Variants in TGFB2 observed in about 807,000 individuals in gnomAD.
The protein encoded by TGFB2 is transforming growth factor beta-2 proprotein.
Under a neutral mutation model 42.7 loss-of-function variants are expected in TGFB2, and 13 were observed. That is an observed-to-expected ratio of 0.30 (90% CI 0.20 to 0.48). The LOEUF is 0.48. TGFB2 is among the 20% of genes least tolerant of loss of function. The probability of loss-of-function intolerance (pLI) is 0.99; values close to 1 mark genes in which losing one functional copy is unlikely to be tolerated. For synonymous variants in TGFB2, 193 were observed against 193.6 expected (o/e 1.00, Z 0.03); for missense variants, 390 against 517.5 (o/e 0.75, Z 2.39).
chr1:218,351,039 A>G (rs1157206934), intron 1 of TGFB2, among the ~76,000 whole-genome samples: 1 of 152,244 alleles, frequency 6.6e-6, no homozygotes, highest in Non-Finnish European at 1.5e-5. Context: ...TTTAACATGA[A>G]GCAATCTCCT....
chr1:218,441,402 A>C lies in TGFB2; in HGVS notation c.*40A>C. The C allele has an allele frequency of 6.4e-7, 1 of 1,565,570 alleles. No individual in the cohort carries two copies. The highest frequency in any genetic ancestry group is 8.6e-7 in the Non-Finnish European group (1 of 1,157,638). Reference sequence around the variant, plus strand: ...TGGCAAGACCAAAATGACAATGATGATGATAATGATGATGACGACGACAAC... The same window carrying C: ...TGGCAAGACCAAAATGACAATGATGCTGATAATGATGATGACGACGACAAC... On this transcript the variant is annotated 3_prime_UTR_variant, in exon 7 of 7. Coordinates refer to ENST00000366930, the MANE Select transcript of TGFB2 (RefSeq NM_003238.6).
chr1:218,363,298 A>G, intron 1 of TGFB2: 1 of 1,564,686 alleles, frequency 6.4e-7, no homozygotes, highest in South Asian at 1.1e-5. Context: ...TCTCTTCAGT[A>G]AAATAGCTAA....
intron 1 of TGFB2, among the ~76,000 whole-genome samples, chr1:218,382,863 G>A (rs552840535): frequency 1.3e-4 from 20 of 152,284 alleles, no homozygotes; most frequent in South Asian, 2.1e-4. Context: ...TCTACTTCCC[G>A]TAGGAGTTCT....
chr1:218,403,219 G>A (rs1658790215), intron 1 of TGFB2, among the ~76,000 whole-genome samples: 1 of 151,950 alleles, frequency 6.6e-6, no homozygotes, highest in Non-Finnish European at 1.5e-5. Context: ...TTTTTTGTTT[G>A]TTTGTTTGTT....
At chr1:218,419,057 G>T (rs1357268213) in intron 2 of TGFB2, among the ~76,000 whole-genome samples, 1 of 152,178 alleles carries the variant, frequency 6.6e-6, no homozygotes, top group East Asian at 1.9e-4. Flanking sequence ...ATATTGGTCA[G>T]ATCAAAGTCT....
intron 1 of TGFB2, among the ~76,000 whole-genome samples, chr1:218,396,868 A>T (rs561071178): frequency 7.9e-5 from 12 of 152,216 alleles, no homozygotes; most frequent in Non-Finnish European, 1.2e-4. Flanking sequence ...GCAGACTACT[A>T]CTGCAAATCA....
At chr1:218,415,894 G>T (rs1659263537) in intron 2 of TGFB2, among the ~76,000 whole-genome samples, 1 of 151,882 alleles carries the variant, frequency 6.6e-6, no homozygotes, top group Non-Finnish European at 1.5e-5. Flanking sequence ...TGCGGAAGGA[G>T]TAGGTTACTG....
chr1:218,419,788 C>T (rs2102610847), intron 2 of TGFB2, among the ~76,000 whole-genome samples: 1 of 152,226 alleles, frequency 6.6e-6, no homozygotes, highest in East Asian at 1.9e-4. Flanking sequence ...GTGACTTATT[C>T]AGAGCTAATT....
At chr1:218,425,041 C>T (rs1659575451) in intron 2 of TGFB2, among the ~76,000 whole-genome samples, 1 of 152,136 alleles carries the variant, frequency 6.6e-6, no homozygotes, top group Non-Finnish European at 1.5e-5. Flanking sequence ...TAGAGCCTGA[C>T]ATGGAAAAGA....
rs902974236 is a variant in TGFB2, at chr1:218,444,453, G to A, written c.*3091G>A. On this transcript the variant is annotated 3_prime_UTR_variant, in exon 7 of 7. Transcript: ENST00000366930. ...GTGCTTTCTGGGGTTGGTTGTTTGG[G>A]ATCAGCTACTTGCCTGTCAGTTTCA... 6.6e-6 allele frequency: 1 copy of A among 152,078 alleles called. No individual in the cohort carries two copies. The highest frequency in any genetic ancestry group is 1.9e-4 in the East Asian group (1 of 5,188). The allele number at this position is 152,078 out of a possible 1,614,324, so 9.4% of individuals were successfully genotyped here.
intron 1 of TGFB2, among the ~76,000 whole-genome samples, chr1:218,390,830 A>C (rs1473570495): frequency 6.6e-6 from 1 of 152,166 alleles, no homozygotes; most frequent in Non-Finnish European, 1.5e-5. Context: ...GTATGTTCCC[A>C]TATCTTAATT....
Position 218,347,004 on chromosome 1 carries a change from G to A in TGFB2, c.303G>A (p.Lys101=), listed in dbSNP as rs147052890. 2.5e-4 allele frequency: 406 copies of A among 1,609,824 alleles called. 3 individuals are homozygous for A. Among genetic ancestry groups the A allele is most frequent in the Non-Finnish European group, 2.6e-4 (308 of 1,177,938 alleles). The change falls in exon 1 of 7, where the codon AAG becomes AAA. Residue 101 remains lysine (K), a synonymous_variant. Transcript: ENST00000366930. The stretch of plus-strand genomic sequence containing the variant: ...GGAGCGACGAAGAGTACTACGCCAA[G>A]GAGGTTTACAAAATAGACATGCCGC... The part of the protein sequence containing the change: ...RERSDEEYYA[K]EVYKIDMPPF...
chr1:218,437,606 T>C (rs1660014176), intron 6 of TGFB2, 110 bp downstream of exon 6: 2 of 1,181,826 alleles, frequency 1.7e-6, no homozygotes, highest in Non-Finnish European at 2.3e-6. Flanking sequence ...CCATCACACA[T>C]GTATGGGTAC....
intron 2 of TGFB2, among the ~76,000 whole-genome samples, chr1:218,408,740 T>C (rs542416468): frequency 6.6e-6 from 1 of 152,280 alleles, no homozygotes; most frequent in African/African-American, 2.4e-5. Context: ...AGAGGAGGGC[T>C]AGAGGAGGAC....
At chr1:218,429,417 C>A (rs1280841951) in intron 2 of TGFB2, among the ~76,000 whole-genome samples, 4 of 152,196 alleles carry the variant, frequency 2.6e-5, no homozygotes, top group African/African-American at 9.6e-5. Context: ...TAGCATGTGT[C>A]TGAATTTTAT....
chr1:218,376,975 C>G (rs911761309), intron 1 of TGFB2, among the ~76,000 whole-genome samples: 1 of 152,112 alleles, frequency 6.6e-6, no homozygotes, highest in African/African-American at 2.4e-5. Context: ...CTCACTGCAG[C>G]CTTGACCTCC....
intron 2 of TGFB2, among the ~76,000 whole-genome samples, chr1:218,423,277 A>G (rs56141119): frequency 6.6e-6 from 1 of 152,206 alleles, no homozygotes; most frequent in Non-Finnish European, 1.5e-5. Flanking sequence ...GATTTAAATA[A>G]GTTTATGTTT....
intron 1 of TGFB2, among the ~76,000 whole-genome samples, chr1:218,393,154 A>G (rs1204399821): frequency 6.6e-6 from 1 of 152,220 alleles, no homozygotes; most frequent in Non-Finnish European, 1.5e-5. Flanking sequence ...CATACTAGTC[A>G]TTACAGAGCT....
intron 2 of TGFB2, among the ~76,000 whole-genome samples, chr1:218,431,784 T>C (rs1418312281): frequency 6.6e-6 from 1 of 152,232 alleles, no homozygotes; most frequent in South Asian, 2.1e-4. Context: ...TGAAAACTGC[T>C]TCTCAACCAT....
Sources: allele counts gnomAD v4.1 joint callset (sites outside exome capture counted in the v4.1 genomes callset), GRCh38; gene constraint gnomAD v4.1.1; transcripts MANE v1.5; gene names NCBI Gene and HGNC (gene_info 2026-07-23, HGNC 2026-07-21).